Variants in SPPL3 observed in about 807,000 individuals in gnomAD.
SPPL3 encodes signal peptide peptidase-like 3.
SPPL3 carries 5 observed loss-of-function variants against 42.4 expected under a neutral mutation model. The observed-to-expected ratio is 0.12, with a 90% confidence interval of 0.06 to 0.25. SPPL3 has a LOEUF of 0.25. Ranked by LOEUF, SPPL3 falls within the 10% of genes least tolerant of loss-of-function variation. The pLI, the probability that SPPL3 is intolerant of heterozygous loss-of-function variation, is 1.00. For missense variants in SPPL3, 235 were observed against 489.0 expected, an observed-to-expected ratio of 0.48 and a Z score of 4.90; for synonymous variants, 195 against 181.8, an observed-to-expected ratio of 1.07 and a Z score of -0.58.
At chr12:120,798,218 C>T (rs539666781) in intron 2 of SPPL3, among the ~76,000 whole-genome samples, 2 of 148,538 alleles carry the variant, frequency 1.3e-5, no homozygotes, top group South Asian at 4.2e-4. Context: ...GTTGGCTTTC[C>T]TGGGGGTTTT....
intron 7 of SPPL3, 83 bp from the exon 8 acceptor site, chr12:120,768,571 A>AAG: frequency 5.6e-6 from 8 of 1,436,946 alleles, no homozygotes; most frequent in African/African-American, 1.4e-5. Flanking sequence ...TCTTAAGAGC[A>AAG]GAGTCTCAGA....
chr12:120,774,238 C>T (rs554939974), intron 6 of SPPL3, among the ~76,000 whole-genome samples: 205 of 152,298 alleles, frequency 1.3e-3, no homozygotes, highest in Non-Finnish European at 2.5e-3. Context: ...CACACCTCCA[C>T]CCACTTCCTA....
chr12:120,826,695 A>T (rs1400332882), intron 1 of SPPL3, among the ~76,000 whole-genome samples: 2 of 152,168 alleles, frequency 1.3e-5, no homozygotes, highest in Non-Finnish European at 2.9e-5. Context: ...AAGTATATAC[A>T]AAGGATCAAT....
rs148059612 is a variant in SPPL3 at position 120,771,086 on chromosome 12, C to T, written c.503-2027G>A. On this transcript the variant is annotated intron_variant, in intron 6 of 10. Coordinates refer to ENST00000353487, the MANE Select transcript of SPPL3 (RefSeq NM_139015.5). ...TTGCTGCAATGACCTCCTCCCTGGC[C>T]TCTCTGCCTCCAACTTAACCCCTAA... 1.2e-3 allele frequency among the ~76,000 whole-genome samples: 181 copies of T among 152,348 alleles called. 2 individuals are homozygous for T. Among genetic ancestry groups the T allele is most frequent in the Non-Finnish European group, 1.2e-3 (85 of 68,028 alleles).
intron 3 of SPPL3, among the ~76,000 whole-genome samples, chr12:120,786,307 C>G (rs551168369): frequency 7.9e-5 from 12 of 152,284 alleles, no homozygotes; most frequent in African/African-American, 2.9e-4. Flanking sequence ...AAATCTCTAA[C>G]TAAATTTTAC....
Position 120,871,134 on chromosome 12 carries a change from A to AAAAAAAG in SPPL3, c.23+32710_23+32711insCTTTTTT, listed in dbSNP as rs1685051673. On this transcript the variant is annotated intron_variant, in intron 1 of 10. Transcript: ENST00000353487. ...GACAGAGTGAGACTCCGTCTCCAAA[A>AAAAAAAG]AAAAAAAAAAAAAAAGAAAAAGTTC... 1.4e-5 allele frequency among the ~76,000 whole-genome samples: 2 copies of AAAAAAAG among 143,100 alleles called. 1 individual carries two copies. The highest frequency in any genetic ancestry group is 3.0e-5 in the Non-Finnish European group (2 of 67,082). 93.9% of individuals were successfully genotyped at this position (143,100 alleles called of 152,430 possible).
At chr12:120,838,004 G>A (rs1475163647) in intron 1 of SPPL3, among the ~76,000 whole-genome samples, 1 of 152,142 alleles carries the variant, frequency 6.6e-6, no homozygotes, top group African/African-American at 2.4e-5. Flanking sequence ...CTGCACTCCA[G>A]CCTAGGCGAC....
chr12:120,858,541 T>A (rs1418656378), intron 1 of SPPL3, among the ~76,000 whole-genome samples: 1 of 149,300 alleles, frequency 6.7e-6, no homozygotes, highest in Non-Finnish European at 1.5e-5. Context: ...AAAGGGGTGA[T>A]AAAACTCAGA....
chr12:120,893,231 A>G (rs1873700972), intron 1 of SPPL3, among the ~76,000 whole-genome samples: 3 of 151,856 alleles, frequency 2.0e-5, no homozygotes, highest in Non-Finnish European at 2.9e-5. Flanking sequence ...TGGGCGGATC[A>G]TGAGGTCAGG....
rs1157578363 is a variant in SPPL3, at chr12:120,904,073, C to G, written c.-206G>C. On this transcript the variant is annotated 5_prime_UTR_variant, in exon 1 of 11. Transcript: ENST00000353487. ...CGGCCCCGCTCCCTGGGCCCCGGGG[C>G]GGGGCGGGCTCCGCTCTCGGCCTCC... 3.0e-6 allele frequency: 1 copy of G among 333,970 alleles called. No homozygotes were observed. The highest frequency in any genetic ancestry group is 2.2e-5 in the African/African-American group (1 of 45,476). The allele number at this position is 333,970 out of a possible 1,614,324, so 20.7% of individuals were successfully genotyped here.
intron 6 of SPPL3, among the ~76,000 whole-genome samples, chr12:120,777,308 A>G (rs1236514192): frequency 6.6e-6 from 1 of 152,236 alleles, no homozygotes; most frequent in Non-Finnish European, 1.5e-5. Context: ...GATTTGGACT[A>G]AAATTTATTC....
At chr12:120,861,624 C>T (rs530507611) in intron 1 of SPPL3, among the ~76,000 whole-genome samples, 1 of 152,130 alleles carries the variant, frequency 6.6e-6, no homozygotes, top group African/African-American at 2.4e-5. Flanking sequence ...ATCCTAGCAG[C>T]GGACTGAGTC....
intron 1 of SPPL3, among the ~76,000 whole-genome samples, chr12:120,868,717 T>C (rs777367635): frequency 1.3e-5 from 2 of 152,138 alleles, no homozygotes; most frequent in Non-Finnish European, 2.9e-5. Flanking sequence ...CTTGACCTCG[T>C]CATCCACCCA....
chr12:120,839,337 AT>A (rs1335236375), intron 1 of SPPL3, among the ~76,000 whole-genome samples: 1 of 122,718 alleles, frequency 8.1e-6, no homozygotes, highest in East Asian at 2.6e-4. Flanking sequence ...GAAGGGGAAC[AT>A]CACACTCTGG....
chr12:120,810,059 A>G (rs183683574), intron 2 of SPPL3, among the ~76,000 whole-genome samples: 5 of 152,002 alleles, frequency 3.3e-5, no homozygotes, highest in South Asian at 2.1e-4. Context: ...TGTATCCTCA[A>G]TCTCCTGGGC....
intron 1 of SPPL3, among the ~76,000 whole-genome samples, chr12:120,899,152 AAGG>A (rs1473389425): frequency 2.0e-5 from 3 of 152,258 alleles, no homozygotes; most frequent in Admixed American, 6.5e-5. Flanking sequence ...AAAAGGCTAT[AAGG>A]AGAATCTTGT....
At chr12:120,840,529 T>A (rs1035781445) in intron 1 of SPPL3, among the ~76,000 whole-genome samples, 4 of 151,918 alleles carry the variant, frequency 2.6e-5, no homozygotes, top group African/African-American at 9.7e-5. Flanking sequence ...GGATAAAAAT[T>A]AGTGATGATG....
At position 120,781,555 on chromosome 12, in the gene SPPL3, G is replaced by GTGTTTTTTTTTTTTTTT. The variant is rs1869541007; in HGVS notation, c.502+1099_502+1100insAAAAAAAAAAAAAAACA. ...TCTAATCCCATCTCCTTATTGTTAC[G>GTGTTTTTTTTTTTTTTT]TTTTTTTTTTTTTTTTTTTTTTTTT... On this transcript the variant is annotated intron_variant, in intron 6 of 10. Transcript: ENST00000353487. 2.1e-4 allele frequency among the ~76,000 whole-genome samples: 13 copies of GTGTTTTTTTTTTTTTTT among 63,010 alleles called. 1 individual carries two copies. The highest frequency in any genetic ancestry group is 6.8e-4 in the African/African-American group (10 of 14,642). The allele number at this position is 63,010 out of a possible 152,430, so 41.3% of individuals were successfully genotyped here. A position where few individuals can be genotyped will look rare whatever the true frequency, so the allele number is the denominator to read the frequency against.
intron 1 of SPPL3, among the ~76,000 whole-genome samples, chr12:120,889,063 C>T (rs1276335159): frequency 1.3e-5 from 2 of 152,118 alleles, no homozygotes; most frequent in African/African-American, 4.8e-5. Flanking sequence ...AACTGCCCAC[C>T]TCAGCCTCCG....
Sources: allele counts gnomAD v4.1 joint callset (sites outside exome capture counted in the v4.1 genomes callset), GRCh38; gene constraint gnomAD v4.1.1; transcripts MANE v1.5; gene names NCBI Gene and HGNC (gene_info 2026-07-23, HGNC 2026-07-21).